The following ADAMTSL1 variants were observed in gnomAD, a reference collection of about 807,000 sequenced individuals.
The protein encoded by ADAMTSL1 is ADAMTS-like protein 1.
Under a neutral mutation model 201.8 loss-of-function variants are expected in ADAMTSL1, and 126 were observed. The observed-to-expected ratio is 0.62, with a 90% CI of 0.54 to 0.72. The LOEUF (loss-of-function observed/expected upper bound fraction) is 0.72. ADAMTSL1 is among the 30% of genes least tolerant of loss of function. ADAMTSL1 has a pLI of 0.00. For synonymous variants in ADAMTSL1, 1,121 were observed against 903.4 expected (o/e 1.24, Z -4.32); for missense variants, 2,679 against 2,277.8 (o/e 1.18, Z -3.59).
intron 15 of ADAMTSL1, among the ~76,000 whole-genome samples, chr9:18,738,072 T>C (rs553821936): frequency 1.3e-5 from 2 of 152,330 alleles, no homozygotes; most frequent in South Asian, 4.1e-4. Flanking sequence ...TGTGAGTTCC[T>C]GGTTAATTAA....
At chr9:18,844,418 G>A (rs557881570) in intron 23 of ADAMTSL1, among the ~76,000 whole-genome samples, 2 of 152,106 alleles carry the variant, frequency 1.3e-5, no homozygotes, top group Admixed American at 6.5e-5. Flanking sequence ...AGGAGTACCC[G>A]GCCGTGTAAG....
chr9:18,282,752 C>T (rs1483798548), intron 2 of ADAMTSL1, among the ~76,000 whole-genome samples: 1 of 152,152 alleles, frequency 6.6e-6, no homozygotes, highest in East Asian at 1.9e-4. Flanking sequence ...ACAAAATTAG[C>T]CGGCTGTGGT....
At chr9:18,442,839 T>C (rs1480173429) in intron 2 of ADAMTSL1, among the ~76,000 whole-genome samples, 1 of 152,174 alleles carries the variant, frequency 6.6e-6, no homozygotes, top group African/African-American at 2.4e-5. Context: ...ATTTGGTCGG[T>C]GCTGCCCTCC....
intron 2 of ADAMTSL1, among the ~76,000 whole-genome samples, chr9:18,189,419 T>C (rs1828877360): frequency 1.3e-5 from 2 of 152,182 alleles, no homozygotes; most frequent in Non-Finnish European, 2.9e-5. Context: ...GGCTATGTGG[T>C]GTCTGTATAA....
chr9:18,254,464 G>T (rs977211434), intron 2 of ADAMTSL1, among the ~76,000 whole-genome samples: 1 of 135,500 alleles, frequency 7.4e-6, no homozygotes, highest in African/African-American at 2.8e-5. Context: ...CCGGGTTCAC[G>T]CCGTTCTCCT....
chr9:18,166,583 A>C (rs949242888), intron 2 of ADAMTSL1, among the ~76,000 whole-genome samples: 5 of 151,932 alleles, frequency 3.3e-5, no homozygotes, highest in Non-Finnish European at 7.4e-5. Flanking sequence ...ATGTTTGCCA[A>C]CTGGAAATTG....
In ADAMTSL1 at chr9:18,448,318, C is replaced by T. The variant is rs374841069; in HGVS notation, c.208-56511C>T. Among the ~76,000 whole-genome samples, 906 of 152,232 alleles carry T rather than the reference C, an allele frequency of 6.0e-3. 9 individuals carry two copies. The highest frequency in any genetic ancestry group is 0.021 in the African/African-American group (865 of 41,532). On this transcript the variant is annotated intron_variant, in intron 2 of 29. Transcript: ENST00000680146. ...GGACACAGGACACTGGATGAGCTAG[C>T]CATCCACCTGCTGTCAGGGGAAAAT...
intron 1 of ADAMTSL1, among the ~76,000 whole-genome samples, chr9:17,959,836 G>T (rs1341763721): frequency 6.6e-6 from 1 of 152,108 alleles, no homozygotes; most frequent in Non-Finnish European, 1.5e-5. Flanking sequence ...GACTTACTCA[G>T]TTTGATTTTC....
At chr9:18,083,103 G>C (rs1381611900) in intron 1 of ADAMTSL1, among the ~76,000 whole-genome samples, 2 of 152,174 alleles carry the variant, frequency 1.3e-5, no homozygotes, top group Admixed American at 6.5e-5. Context: ...CGTAAGACTT[G>C]AGACAAAAAG....
intron 3 of ADAMTSL1, among the ~76,000 whole-genome samples, chr9:18,550,828 T>C (rs1820755788): frequency 6.6e-6 from 1 of 151,962 alleles, no homozygotes; most frequent in South Asian, 2.1e-4. Context: ...GTGGGTTTTT[T>C]TAAAAAAACA....
intron 21 of ADAMTSL1, among the ~76,000 whole-genome samples, chr9:18,819,177 C>T (rs1824048703): frequency 1.3e-5 from 2 of 152,076 alleles, no homozygotes; most frequent in African/African-American, 4.8e-5. Flanking sequence ...GGGGAGGGGC[C>T]AGGCATGGGG....
chr9:18,891,417 G>A (rs1006602892), intron 25 of ADAMTSL1, among the ~76,000 whole-genome samples: 3 of 152,230 alleles, frequency 2.0e-5, no homozygotes, highest in South Asian at 2.1e-4. Flanking sequence ...CAACAGTCTC[G>A]CGATTTCCCC....
chr9:17,976,880 A>C (rs1818474023), intron 1 of ADAMTSL1, among the ~76,000 whole-genome samples: 1 of 152,016 alleles, frequency 6.6e-6, no homozygotes, highest in Non-Finnish European at 1.5e-5. Flanking sequence ...TTTTGAATAT[A>C]AATGGCAAGA....
At chr9:18,849,495 G>T (rs887332244) in intron 23 of ADAMTSL1, among the ~76,000 whole-genome samples, 1 of 152,132 alleles carries the variant, frequency 6.6e-6, no homozygotes, top group South Asian at 2.1e-4. Context: ...CTCTCTTAGC[G>T]GTGGGAACAG....
At chr9:18,064,329 A>T (rs1007674962) in intron 1 of ADAMTSL1, among the ~76,000 whole-genome samples, 3 of 152,210 alleles carry the variant, frequency 2.0e-5, no homozygotes, top group African/African-American at 7.2e-5. Flanking sequence ...GATTCTCAGC[A>T]TCTCCAACTG....
chr9:18,425,954 A>G (rs1819199885), intron 2 of ADAMTSL1, among the ~76,000 whole-genome samples: 1 of 152,146 alleles, frequency 6.6e-6, no homozygotes, highest in South Asian at 2.1e-4. Context: ...GTTATTATTG[A>G]AAGATGAGAC....
chr9:18,614,012 C>T (rs907167273), intron 4 of ADAMTSL1, among the ~76,000 whole-genome samples: 5 of 152,148 alleles, frequency 3.3e-5, no homozygotes, highest in African/African-American at 4.8e-5. Context: ...CAACTGCCGT[C>T]GAAGTGCCTG....
At chr9:18,206,626 T>G (rs1003309178) in intron 2 of ADAMTSL1, among the ~76,000 whole-genome samples, 5 of 152,276 alleles carry the variant, frequency 3.3e-5, no homozygotes, top group Non-Finnish European at 7.4e-5. Context: ...TGTTACCACA[T>G]CATTTTAAGC....
intron 3 of ADAMTSL1, among the ~76,000 whole-genome samples, chr9:18,543,718 A>G (rs940167763): frequency 1.1e-4 from 16 of 152,200 alleles, no homozygotes; most frequent in African/African-American, 3.9e-4. Context: ...TTTTTTAATG[A>G]TTCACAGATT....
Sources: allele counts gnomAD v4.1 joint callset (sites outside exome capture counted in the v4.1 genomes callset), GRCh38; gene constraint gnomAD v4.1.1; transcripts MANE v1.5; gene names NCBI Gene and HGNC (gene_info 2026-07-23, HGNC 2026-07-21).